The following PIK3R6 variants were observed in gnomAD, a reference collection of about 807,000 sequenced individuals.
The protein encoded by PIK3R6 is phosphoinositide 3-kinase regulatory subunit 6.
In PIK3R6, 91 loss-of-function variants were observed where a neutral mutation model predicts 84.9. The observed-to-expected ratio is 1.07, with a 90% CI of 0.90 to 1.28. The LOEUF (loss-of-function observed/expected upper bound fraction) is 1.28. PIK3R6 is among the 50% of genes most tolerant of loss of function. The pLI is 0.00. For missense variants in PIK3R6, 996 were observed against 985.1 expected (o/e 1.01, Z -0.15); for synonymous variants, 416 against 411.4 (o/e 1.01, Z -0.13).
intron 2 of PIK3R6, 132 bp downstream of exon 2, chr17:8,849,650 C>G: frequency 9.6e-7 from 1 of 1,038,674 alleles, no homozygotes; most frequent in Admixed American, 3.5e-5. Context: ...AGGCAGGATC[C>G]CTGAATTGGG....
At chr17:8,822,041 G>T in intron 16 of PIK3R6, 105 bp from the exon 17 acceptor site, 1 of 796,750 alleles carries the variant, frequency 1.3e-6, no homozygotes, top group Non-Finnish European at 1.9e-6. Flanking sequence ...TTCCACCCCT[G>T]CTGTGAGAGT....
intron 1 of PIK3R6, among the ~76,000 whole-genome samples, chr17:8,860,287 G>T (rs956908607): frequency 1.2e-4 from 18 of 151,788 alleles, no homozygotes; most frequent in Admixed American, 6.5e-5. Flanking sequence ...CGCCTCCTGG[G>T]GCGGGGGGCG....
chr17:8,860,129 G>C (rs2151316828), intron 1 of PIK3R6, among the ~76,000 whole-genome samples: 1 of 152,342 alleles, frequency 6.6e-6, no homozygotes, highest in African/African-American at 2.4e-5. Context: ...TAGCTATGCA[G>C]TGAAAAGCCA....
At chr17:8,837,900 A>C in intron 4 of PIK3R6, 29 bp from the exon 5 acceptor site, 1 of 1,601,006 alleles carries the variant, frequency 6.2e-7, no homozygotes, top group Non-Finnish European at 8.6e-7. Context: ...CGTGACAGGT[A>C]TTGGGCTGGG....
In PIK3R6 at chr17:8,836,632, CT is replaced by C; in HGVS notation, c.392-17del. ...TACAGTGTCCCTGCAAACCAGACCACTTTGGCCAAACAGCCCCCAAGTCTCT... is the reference window on the plus strand; with the variant it reads ...TACAGTGTCCCTGCAAACCAGACCACTTGGCCAAACAGCCCCCAAGTCTCT... On this transcript the variant is annotated splice_polypyrimidine_tract_variant and intron_variant, in intron 6 of 19. Transcript: ENST00000619866. The C allele has an allele frequency of 6.2e-7, 1 of 1,613,982 alleles. No homozygotes were observed. The highest frequency in any genetic ancestry group is 1.1e-5 in the South Asian group (1 of 91,082).
At chr17:8,833,072 G>C (rs922934841) in intron 8 of PIK3R6, 27 bp from the exon 9 acceptor site, 1 of 1,542,386 alleles carries the variant, frequency 6.5e-7, no homozygotes, top group Admixed American at 2.0e-5. Context: ...TCAGAGCCTG[G>C]GTCTTGGCCC....
At chr17:8,837,772 A>G in intron 5 of PIK3R6, 31 bp downstream of exon 5, 1 of 1,586,832 alleles carries the variant, frequency 6.3e-7, no homozygotes, top group Non-Finnish European at 8.6e-7. Context: ...GCAGGTCACC[A>G]CTACCACCTC....
Position 8,812,076 on chromosome 17 carries a change from T to C in PIK3R6, c.1995+7007A>G, listed in dbSNP as rs914694303. Among the ~76,000 whole-genome samples, 7 of 152,336 alleles carry C rather than the reference T, an allele frequency of 4.6e-5. No individual in the cohort carries two copies. In the Middle Eastern group the frequency reaches 0.01, roughly 222 times the overall value. The stretch of plus-strand genomic sequence containing the variant: ...AGAAGGCAAGGAGGAGCAAGTCACA[T>C]CTTAGATGGATGGCAGCAGGCAAAA... On this transcript the variant is annotated intron_variant, in intron 18 of 19. Transcript: ENST00000619866.
At position 8,828,998 on chromosome 17, in the gene PIK3R6, G is replaced by C. The variant is rs1404507842; in HGVS notation, c.890-8C>G. 5 of 1,494,100 alleles carry C rather than the reference G, an allele frequency of 3.3e-6. No homozygotes were observed. Among genetic ancestry groups the C allele is most frequent in the East Asian group, 2.4e-5 (1 of 41,460 alleles). The allele number at this position is 1,494,100 out of a possible 1,614,324, so 92.6% of individuals were successfully genotyped here. ...AGAGCACCAGTTCCTTCCCTGGGGTGGGGGAACAAGGGCGGTGAGGACACG... is the reference window on the plus strand; with the variant it reads ...AGAGCACCAGTTCCTTCCCTGGGGTCGGGGAACAAGGGCGGTGAGGACACG... On this transcript the variant is annotated splice_region_variant and splice_polypyrimidine_tract_variant and intron_variant, in intron 10 of 19. Coordinates refer to ENST00000619866, the MANE Select transcript of PIK3R6 (RefSeq NM_001010855.4).
intron 1 of PIK3R6, among the ~76,000 whole-genome samples, chr17:8,854,396 C>T (rs1298819169): frequency 6.6e-6 from 1 of 152,188 alleles, no homozygotes; most frequent in Non-Finnish European, 1.5e-5. Flanking sequence ...ATCCTCCCGC[C>T]TCGGTCTCCC....
intron 18 of PIK3R6, among the ~76,000 whole-genome samples, chr17:8,812,441 G>A (rs144074828): frequency 8.5e-4 from 129 of 152,270 alleles, no homozygotes; most frequent in African/African-American, 2.9e-3. Context: ...CTCTACAACT[G>A]CAAAATGTAA....
At chr17:8,829,517 TAC>T (rs10608111) in intron 10 of PIK3R6, among the ~76,000 whole-genome samples, 187 bp downstream of exon 10, 23,812 of 122,702 alleles carry the variant, frequency 0.19, 2,557 homozygotes, top group African/African-American at 0.33. Context: ...CACTCATGCA[TAC>T]ACACACACTG....
At chr17:8,858,562 C>T (rs983494787) in intron 1 of PIK3R6, among the ~76,000 whole-genome samples, 6 of 152,060 alleles carry the variant, frequency 3.9e-5, no homozygotes, top group African/African-American at 1.4e-4. Context: ...GGTGATCCAC[C>T]CACCTCGGCC....
chr17:8,819,954 TA>T (rs1430181889), intron 17 of PIK3R6, among the ~76,000 whole-genome samples: 1,408 of 117,970 alleles, frequency 0.012, 35 homozygotes, highest in African/African-American at 0.053. Flanking sequence ...TATATATATA[TA>T]TTTTTTTTTT....
At chr17:8,820,312 G>C (rs1362333054) in intron 17 of PIK3R6, among the ~76,000 whole-genome samples, 1 of 151,914 alleles carries the variant, frequency 6.6e-6, no homozygotes, top group Non-Finnish European at 1.5e-5. Flanking sequence ...GGAGTGGGGA[G>C]AGTCTGTGAG....
At chr17:8,819,612 A>G (rs945120270) in intron 17 of PIK3R6, among the ~76,000 whole-genome samples, 3 of 151,330 alleles carry the variant, frequency 2.0e-5, no homozygotes, top group Non-Finnish European at 1.5e-5. Flanking sequence ...TGAGGAGGGC[A>G]TCAGTGCCAA....
intron 1 of PIK3R6, among the ~76,000 whole-genome samples, chr17:8,865,144 G>A (rs191184249): frequency 1.3e-5 from 2 of 152,250 alleles, no homozygotes; most frequent in African/African-American, 4.8e-5. Flanking sequence ...GGAGAAGACT[G>A]AAGTAAGAGG....
At chr17:8,855,193 A>G (rs2089096061) in intron 1 of PIK3R6, among the ~76,000 whole-genome samples, 1 of 118,150 alleles carries the variant, frequency 8.5e-6, no homozygotes, top group South Asian at 2.4e-4. Context: ...ACTCCATCTC[A>G]GAAACAAAAC....
chr17:8,864,527 C>CTG lies in PIK3R6; in HGVS notation c.-92+3001_-92+3002insCA, dbSNP rs1491472760. Among the ~76,000 whole-genome samples, 67 of 126,912 alleles carry CTG rather than the reference C, an allele frequency of 5.3e-4. 3 individuals carry two copies. Among genetic ancestry groups the CTG allele is most frequent in the African/African-American group, 2.0e-3 (63 of 31,496 alleles). 83.3% of individuals were successfully genotyped at this position (126,912 alleles called of 152,430 possible). On this transcript the variant is annotated intron_variant, in intron 1 of 19. Transcript: ENST00000619866. The stretch of plus-strand genomic sequence containing the variant: ...AACTTATAACCCAGGTCCTTCACAG[C>CTG]TCTTTTTTTTTTTTTTTTTTTTTTT...
Sources: allele counts gnomAD v4.1 joint callset (sites outside exome capture counted in the v4.1 genomes callset), GRCh38; gene constraint gnomAD v4.1.1; transcripts MANE v1.5; gene names NCBI Gene and HGNC (gene_info 2026-07-23, HGNC 2026-07-21).